LNX1: variants seen among roughly 807,000 people sequenced by gnomAD.
LNX1 encodes the protein ligand of numb-protein X 1, also known as E3 ubiquitin-protein ligase LNX.
Under a neutral mutation model 68.4 loss-of-function variants are expected in LNX1, and 54 were observed. The observed-to-expected ratio is 0.79, with a 90% CI of 0.63 to 0.99. LNX1 has a LOEUF of 0.99. Among genes scored for constraint, LNX1 ranks in the 50% least tolerant of loss-of-function variants. The pLI, the probability that LNX1 is intolerant of heterozygous loss-of-function variation, is 0.00. For synonymous variants in LNX1, 336 were observed against 350.0 expected (o/e 0.96, Z 0.45); for missense variants, 906 against 926.4 (o/e 0.98, Z 0.29).
At chr4:53,543,664 T>A (rs1728905709) in intron 2 of LNX1, among the ~76,000 whole-genome samples, 1 of 152,170 alleles carries the variant, frequency 6.6e-6, no homozygotes, top group African/African-American at 2.4e-5. Flanking sequence ...TGTAAACCAC[T>A]ATTTTTATTA....
chr4:53,488,252 G>A (rs1351501753), intron 6 of LNX1, among the ~76,000 whole-genome samples: 1 of 152,164 alleles, frequency 6.6e-6, no homozygotes, highest in African/African-American at 2.4e-5. Flanking sequence ...TTTGTCCTTA[G>A]GTTGAACTTA....
At chr4:53,495,709 A>AT (rs889859645) in intron 6 of LNX1, among the ~76,000 whole-genome samples, 1 of 151,960 alleles carries the variant, frequency 6.6e-6, no homozygotes, top group Non-Finnish European at 1.5e-5. Context: ...CACCTGGCTA[A>AT]TTTTTTGTAT....
intron 2 of LNX1, among the ~76,000 whole-genome samples, chr4:53,566,068 C>T (rs1730664324): frequency 1.3e-5 from 2 of 151,150 alleles, no homozygotes; most frequent in African/African-American, 4.8e-5. Context: ...AGTTGGAAAA[C>T]ACTCTGCAGG....
In LNX1 at chr4:53,481,840, A is replaced by C; in HGVS notation, c.1365T>G (p.Arg455=). ...CCTGGCGGGACACGACGAGGTGAAC[A>C]CGTCTTTCACTGGCCTGGGCAAGAA... The part of the protein sequence containing the change: ...AAHLIQASER[R]VHLVVSRQVR... The change falls in exon 7 of 11, where the codon CGT becomes CGG. Residue 455 remains arginine, a synonymous_variant. Transcript: ENST00000263925. 3 of 1,605,144 alleles carry C rather than the reference A, an allele frequency of 1.9e-6. No homozygotes were observed. The highest frequency in any genetic ancestry group is 2.6e-6 in the Non-Finnish European group (3 of 1,174,524).
At position 53,508,068 on chromosome 4, in the gene LNX1, G is replaced by T. The variant is rs766525992; in HGVS notation, c.540C>A (p.Asp180Glu). The T allele has an allele frequency of 7.4e-6, 12 of 1,614,176 alleles. No individual in the cohort carries two copies. The highest frequency in any genetic ancestry group is 1.0e-5 in the Non-Finnish European group (12 of 1,180,022). Residue 180 changes from aspartate to glutamate, a missense_variant, in exon 3 of 11, where the codon GAC becomes GAA. Coordinates refer to ENST00000263925, the MANE Select transcript of LNX1 (RefSeq NM_001126328.3). ...CTGCCGAGGACACGTAGGCAGGGTT[G>T]TCTAGGCCAGGCTCGTCTGTCATTA... ...ISLMTDEPGL[D>E]NPAYVSSAED...
rs1721377012 is a variant in LNX1 at position 53,459,582 on chromosome 4, T to TC, written c.*1324dup. The stretch of plus-strand genomic sequence containing the variant: ...GTTAGTATGAAAAGTTAACTTTTTT[T>TC]CCAAAATAAAAGAGTGAATTTTTCA... On this transcript the variant is annotated 3_prime_UTR_variant, in exon 11 of 11. Coordinates refer to ENST00000263925, the MANE Select transcript of LNX1 (RefSeq NM_001126328.3). 3.7e-6 allele frequency: 5 copies of TC among 1,343,620 alleles called. No homozygotes were observed. The allele number at this position is 1,343,620 out of a possible 1,614,324, so 83.2% of individuals were successfully genotyped here.
intron 1 of LNX1, among the ~76,000 whole-genome samples, chr4:53,651,397 C>A (rs1735092290): frequency 6.6e-6 from 1 of 152,192 alleles, no homozygotes; most frequent in South Asian, 2.1e-4. Context: ...AGTTTATCGA[C>A]ATTTGTTGAA....
At chr4:53,512,157 T>C (rs10006662) in intron 2 of LNX1, among the ~76,000 whole-genome samples, 146,087 of 152,242 alleles carry the variant, frequency 0.96, 70,387 homozygotes, top group East Asian at 1. Flanking sequence ...CAGTGCTGCT[T>C]GACTTAAGGA....
intron 2 of LNX1, chr4:53,558,121 A>G (rs1442220550): frequency 7.0e-7 from 1 of 1,438,164 alleles, no homozygotes; most frequent in African/African-American, 1.4e-5. Context: ...CACGTTAATA[A>G]ATCACGGGCC....
intron 2 of LNX1, chr4:53,522,902 C>T (rs1296114058): frequency 1.3e-5 from 2 of 152,144 alleles, no homozygotes; most frequent in Admixed American, 1.3e-4. Context: ...AATCTTTTTT[C>T]TATGCATAGA....
At chr4:53,584,956 GTGGTTCCTCCCT>G (rs1732072178) in intron 1 of LNX1, among the ~76,000 whole-genome samples, 1 of 152,178 alleles carries the variant, frequency 6.6e-6, no homozygotes, top group South Asian at 2.1e-4. Context: ...ACAGCATTGG[GTGGTTCCTCCCT>G]TGTTTTTATC....
chr4:53,563,246 T>C (rs1295415478), intron 2 of LNX1, among the ~76,000 whole-genome samples: 1 of 152,156 alleles, frequency 6.6e-6, no homozygotes, highest in Non-Finnish European at 1.5e-5. Flanking sequence ...TTTAGATGCA[T>C]ATTTATTGAG....
intron 10 of LNX1, 124 bp from the exon 11 acceptor site, chr4:53,461,166 T>G (rs916432508): frequency 1.3e-6 from 1 of 799,286 alleles, no homozygotes; most frequent in African/African-American, 1.8e-5. Flanking sequence ...TAACTTCTAA[T>G]TGAGATATTT....
At chr4:53,606,860 A>G (rs1213606667) in intron 2 of LNX1, among the ~76,000 whole-genome samples, 1 of 152,220 alleles carries the variant, frequency 6.6e-6, no homozygotes, top group Non-Finnish European at 1.5e-5. Flanking sequence ...AAAAACCCAC[A>G]TGATTATCTC....
upstream of LNX1, chr4:53,592,863 A>C (rs1253132012): frequency 6.6e-6 from 1 of 151,344 alleles, no homozygotes; most frequent in East Asian, 2.0e-4. Context: ...GGGGAGGAGA[A>C]GGAAGAGAAA....
intron 2 of LNX1, among the ~76,000 whole-genome samples, chr4:53,565,759 A>G (rs1267462490): frequency 2.0e-5 from 3 of 149,550 alleles, no homozygotes; most frequent in African/African-American, 7.3e-5. Flanking sequence ...AAAAAAATTT[A>G]GAAGAATGTA....
chr4:53,476,709 C>T (rs747571449), intron 9 of LNX1, 44 bp downstream of exon 9: 101 of 1,516,158 alleles, frequency 6.7e-5, no homozygotes, highest in Non-Finnish European at 8.0e-5. Flanking sequence ...GAAATGTAAT[C>T]GTTTTCTCCC....
At chr4:53,543,333 T>G (rs1728886094) in intron 2 of LNX1, among the ~76,000 whole-genome samples, 1 of 152,254 alleles carries the variant, frequency 6.6e-6, no homozygotes, top group South Asian at 2.1e-4. Flanking sequence ...CATGTGTGCT[T>G]ATTTACTGCC....
intron 7 of LNX1, among the ~76,000 whole-genome samples, chr4:53,478,992 A>T (rs1723744906): frequency 6.6e-6 from 1 of 152,244 alleles, no homozygotes; most frequent in Non-Finnish European, 1.5e-5. Flanking sequence ...GTTAACTCAG[A>T]TAAAGTTTAC....
Sources: allele counts gnomAD v4.1 joint callset (sites outside exome capture counted in the v4.1 genomes callset), GRCh38; gene constraint gnomAD v4.1.1; transcripts MANE v1.5; gene names NCBI Gene and HGNC (gene_info 2026-07-23, HGNC 2026-07-21).